The following ATG2B variants were observed in gnomAD, a reference collection of about 807,000 sequenced individuals.
The protein encoded by ATG2B is autophagy-related protein 2 homolog B.
Under a neutral mutation model 241.3 loss-of-function variants are expected in ATG2B, and 121 were observed. That is an observed-to-expected ratio of 0.50 (90% CI 0.43 to 0.58). The LOEUF is 0.58. Ranked by LOEUF, ATG2B falls within the 20% of genes least tolerant of loss-of-function variation. The pLI is 0.00. For synonymous variants in ATG2B, 858 were observed against 876.6 expected (o/e 0.98, Z 0.37); for missense variants, 2,306 against 2,491.6 (o/e 0.93, Z 1.59).
chr14:96,333,724 A>G lies in ATG2B; in HGVS notation c.1171T>C (p.Tyr391His), dbSNP rs879224279. The G allele has an allele frequency of 1.4e-5, 22 of 1,613,884 alleles. No individual in the cohort carries two copies. The Admixed American group carries it at 3.5e-4, about 26-fold the overall frequency. ...SVGVSSEQSF[Y>H]ETETARTPSS... Reference sequence around the variant, plus strand: ...GGTGTACGAGCTGTTTCTGTCTCATAAAAGCTTTGCTCTGAAGATACACCC... The same window carrying G: ...GGTGTACGAGCTGTTTCTGTCTCATGAAAGCTTTGCTCTGAAGATACACCC... Residue 391 changes from tyrosine (Y) to histidine (H), a missense_variant, in exon 8 of 42, where the codon TAT (tyrosine) becomes CAT (histidine). Transcript: ENST00000359933.
intron 34 of ATG2B, among the ~76,000 whole-genome samples, chr14:96,300,222 C>T (rs61985179): frequency 0.19 from 28,768 of 152,070 alleles, 3,058 homozygotes; most frequent in Middle Eastern, 0.25. Context: ...ATTTAAAAGT[C>T]TATTAAAGAA....
At position 96,328,327 on chromosome 14, in the gene ATG2B, T is replaced by C; in HGVS notation, c.2163+20A>G. 6.4e-7 allele frequency: 1 copy of C among 1,556,760 alleles called. No individual in the cohort carries two copies. The highest frequency in any genetic ancestry group is 8.8e-7 in the Non-Finnish European group (1 of 1,142,668). On this transcript the variant is annotated intron_variant, in intron 14 of 41. Coordinates refer to ENST00000359933, the MANE Select transcript of ATG2B (RefSeq NM_018036.7). ...GCTAACCATAATTATGATTAGTATT[T>C]GCAGCTTTTGAATACTTACCAGACT...
chr14:96,324,092 T>C (rs1249532621), intron 15 of ATG2B, 94 bp from the exon 16 acceptor site: 3 of 793,354 alleles, frequency 3.8e-6, no homozygotes, highest in Non-Finnish European at 6.0e-6. Flanking sequence ...AGGAACATAA[T>C]GCAACCTTAA....
Position 96,331,472 on chromosome 14 carries a change from G to A in ATG2B, c.1634C>T (p.Thr545Ile). The A allele has an allele frequency of 1.2e-6, 2 of 1,614,042 alleles. No individual in the cohort carries two copies. Among genetic ancestry groups the A allele is most frequent in the South Asian group, 1.1e-5 (1 of 91,076 alleles). ...PLTPMAVAFF[T>I]CIEKIDPARF... ...TGCTGGATCAATCTTTTCTATACAA[G>A]TAAAGAAAGCTACTGCCATAGGTGT... Residue 545 changes from threonine (T) to isoleucine (I), a missense_variant, in exon 11 of 42, where the codon ACT (threonine) becomes ATT (isoleucine). Thr to Ile is a moderately conservative substitution (Grantham distance 89). Around this residue, in one of 2 missense-constraint regions of ATG2B, gnomAD observed 1,927 missense variants for 2,011.2 expected, o/e 0.96. Transcript: ENST00000359933.
intron 25 of ATG2B, among the ~76,000 whole-genome samples, chr14:96,312,850 GAATT>G (rs1193836225): frequency 2.0e-5 from 3 of 152,274 alleles, no homozygotes; most frequent in African/African-American, 7.2e-5. Flanking sequence ...AGAATCTCCA[GAATT>G]AATTTCTTCC....
chr14:96,325,553 A>G (rs1887566789), intron 15 of ATG2B, 96 bp downstream of exon 15: 1 of 1,112,340 alleles, frequency 9.0e-7, no homozygotes, highest in Admixed American at 2.3e-5. Context: ...TAATTGTACT[A>G]TATTGCAGGG....
chr14:96,314,040 A>T (rs1038819019), intron 23 of ATG2B, among the ~76,000 whole-genome samples: 1 of 152,172 alleles, frequency 6.6e-6, no homozygotes, highest in African/African-American at 2.4e-5. Flanking sequence ...CCCTCTCACC[A>T]ACATCTATTC....
chr14:96,294,131 C>T (rs928899788), intron 36 of ATG2B, among the ~76,000 whole-genome samples: 11 of 152,152 alleles, frequency 7.2e-5, no homozygotes, highest in Admixed American at 5.2e-4. Context: ...ATATTTAAAA[C>T]GTGACAACCC....
intron 18 of ATG2B, 136 bp from the exon 19 acceptor site, chr14:96,317,991 A>C (rs946348932): frequency 4.9e-6 from 3 of 609,382 alleles, no homozygotes; most frequent in Non-Finnish European, 8.3e-6. Flanking sequence ...TCCTACAAGA[A>C]TTTGGAAAAA....
chr14:96,306,129 C>T (rs1886940534), intron 30 of ATG2B, among the ~76,000 whole-genome samples: 2 of 152,072 alleles, frequency 1.3e-5, no homozygotes, highest in African/African-American at 4.8e-5. Flanking sequence ...AAAGTCAATA[C>T]TGCAAACCAA....
chr14:96,290,011 C>T lies in ATG2B; in HGVS notation c.5857-206G>A. The T allele has an allele frequency of 2.3e-6, 2 of 879,378 alleles. No individual in the cohort carries two copies. The highest frequency in any genetic ancestry group is 3.2e-6 in the Non-Finnish European group (2 of 617,468). The allele number at this position is 879,378 out of a possible 1,614,324, so 54.5% of individuals were successfully genotyped here. On this transcript the variant is annotated intron_variant, in intron 40 of 41. Coordinates refer to ENST00000359933, the MANE Select transcript of ATG2B (RefSeq NM_018036.7). This position sits in a 1 kb window ranked among gnomAD's most constrained non-coding sequence, Gnocchi z 4.4. ...AAAAGTATAAATTAATAACTAACAC[C>T]TGGATTGAGCTAAATTTTTAGCCCC...
chr14:96,288,843 G>A (rs956988409), intron 41 of ATG2B, among the ~76,000 whole-genome samples: 1 of 148,430 alleles, frequency 6.7e-6, no homozygotes, highest in Admixed American at 6.7e-5. Context: ...TGGCACAACC[G>A]TGTCAGAGAG....
intron 14 of ATG2B, among the ~76,000 whole-genome samples, chr14:96,327,015 A>G (rs929065869): frequency 1.3e-5 from 2 of 152,170 alleles, no homozygotes; most frequent in African/African-American, 4.8e-5. Flanking sequence ...CAGAAACTAA[A>G]ATAACTAGCA....
intron 15 of ATG2B, among the ~76,000 whole-genome samples, chr14:96,324,498 C>T (rs1887540097): frequency 6.6e-6 from 1 of 151,998 alleles, no homozygotes; most frequent in Admixed American, 6.6e-5. Flanking sequence ...CCAGCCTCTC[C>T]AACATGGAAA....
rs1485057988 is a variant in ATG2B, at chr14:96,290,321, A to T, written c.5856+115T>A. 4 of 1,367,764 alleles carry T rather than the reference A, an allele frequency of 2.9e-6. No individual in the cohort carries two copies. In the African/African-American group the frequency reaches 5.8e-5, roughly 20 times the overall value. 84.7% of individuals were successfully genotyped at this position (1,367,764 alleles called of 1,614,324 possible). A position where few individuals can be genotyped will look rare whatever the true frequency, so the allele number is the denominator to read the frequency against. Reference sequence around the variant, plus strand: ...AGCATGACATTAAATCACTACGAATAAAGTATCTACTCACAACATTTTGTA... The same window carrying T: ...AGCATGACATTAAATCACTACGAATTAAGTATCTACTCACAACATTTTGTA... On this transcript the variant is annotated intron_variant, in intron 40 of 41. Coordinates refer to ENST00000359933, the MANE Select transcript of ATG2B (RefSeq NM_018036.7). The surrounding 1 kb of genome is among the most constrained non-coding windows in gnomAD (Gnocchi z 4.4).
At position 96,333,777 on chromosome 14, in the gene ATG2B, T is replaced by C. The variant is rs1374657309; in HGVS notation, c.1118A>G (p.Tyr373Cys). The C allele has an allele frequency of 6.2e-7, 1 of 1,613,976 alleles. No homozygotes were observed. The highest frequency in any genetic ancestry group is 8.5e-7 in the Non-Finnish European group (1 of 1,179,880). Reference sequence around the variant, plus strand: ...AGAGAGGGAATCTTTTCTCAAATAATACCGGTTTAATTCCATCTGAATTCG... The same window carrying C: ...AGAGAGGGAATCTTTTCTCAAATAACACCGGTTTAATTCCATCTGAATTCG... ...EYRIQMELNR[Y>C]YLRKDSLSVG... The change falls in exon 8 of 42, where the codon TAT becomes TGT. Residue 373 changes from tyrosine (Y) to cysteine (C), a missense_variant. Tyr to Cys is a radical substitution (Grantham distance 194). Around this residue, in one of 2 missense-constraint regions of ATG2B, gnomAD observed 1,927 missense variants for 2,011.2 expected, o/e 0.96. Transcript: ENST00000359933.
intron 18 of ATG2B, chr14:96,318,331 C>T (rs1243873509): frequency 1.3e-5 from 2 of 152,220 alleles, no homozygotes; most frequent in Admixed American, 6.5e-5. Context: ...TCATTATTCT[C>T]ACTTTACACC....
intron 28 of ATG2B, among the ~76,000 whole-genome samples, 186 bp from the exon 29 acceptor site, chr14:96,309,780 G>T (rs943242279): frequency 1.1e-4 from 16 of 152,050 alleles, no homozygotes; most frequent in Admixed American, 5.2e-4. Context: ...AACAAATACT[G>T]GCAAAGAGCA....
rs745821224 is a variant in ATG2B, at chr14:96,305,703, T to C, written c.4619A>G (p.His1540Arg). The change falls in exon 31 of 42, where the codon CAC (histidine) becomes CGC (arginine). Residue 1540 changes from histidine (H) to arginine (R), a missense_variant. His to Arg is a conservative substitution (Grantham distance 29). This residue lies in a region of ATG2B where 1,927 missense variants were observed against 2,011.2 expected (regional missense o/e 0.96). Coordinates refer to ENST00000359933, the MANE Select transcript of ATG2B (RefSeq NM_018036.7). ...ATAGCGAATCACAGGAATGGGAAAG[T>C]GTAAGGGGGCTTTGCTCGTATCGGT... The part of the protein sequence containing the change: ...NKTDTSKAPL[H>R]FPIPVIRYVV... 6.2e-7 allele frequency: 1 copy of C among 1,614,078 alleles called. No individual in the cohort carries two copies. Among genetic ancestry groups the C allele is most frequent in the Non-Finnish European group, 8.5e-7 (1 of 1,179,996 alleles).
Sources: gnomAD v4.1 joint callset for allele counts (sites outside exome capture counted in the v4.1 genomes callset) on GRCh38, gnomAD v4.1.1 for gene constraint, gnomAD v4.1.1 regional missense constraint, Gnocchi (gnomAD v3.1) non-coding constraint, MANE v1.5 for transcripts, NCBI Gene and HGNC (gene_info 2026-07-23, HGNC 2026-07-21) for gene names.